Variants in SPA17 observed in about 807,000 individuals in gnomAD.
SPA17 encodes the protein sperm autoantigenic protein 17.
Under a neutral mutation model 13.8 loss-of-function variants are expected in SPA17, and 7 were observed. The observed-to-expected ratio is 0.51, with a 90% confidence interval of 0.29 to 0.95. The LOEUF (loss-of-function observed/expected upper bound fraction) is 0.95. Ranked by LOEUF, SPA17 falls within the 40% of genes least tolerant of loss-of-function variation. The pLI, the probability that SPA17 is intolerant of heterozygous loss-of-function variation, is 0.08. For synonymous variants in SPA17, 61 were observed against 59.0 expected (o/e 1.03, Z -0.16); for missense variants, 170 against 179.3 (o/e 0.95, Z 0.30).
In SPA17 at chr11:124,694,055, G is replaced by A. The variant is rs370825341; in HGVS notation, c.313-248G>A. 9.9e-5 allele frequency among the ~76,000 whole-genome samples: 15 copies of A among 152,214 alleles called. No individual in the cohort carries two copies. In the East Asian group the frequency reaches 1.3e-3, roughly 14 times the overall value. On this transcript the variant is annotated intron_variant, in intron 4 of 4. Coordinates refer to ENST00000227135, the MANE Select transcript of SPA17 (RefSeq NM_017425.4). ...AAACTTAAATAGGCACTATTTTAGG[G>A]GAAAGAAAGTTGGCAATGATCTTTT...
At chr11:124,690,535 A>G (rs1440737551) in intron 3 of SPA17, among the ~76,000 whole-genome samples, 1 of 152,234 alleles carries the variant, frequency 6.6e-6, no homozygotes, top group Non-Finnish European at 1.5e-5. Flanking sequence ...TATTTGGGTG[A>G]TGGACACCCT....
rs2134422669 is a variant in SPA17 at position 124,695,769 on chromosome 11, T to C, written c.*1323T>C. 1 of 152,422 alleles carries C rather than the reference T, an allele frequency of 6.6e-6. No homozygotes were observed. Among genetic ancestry groups the C allele is most frequent in the South Asian group, 2.1e-4 (1 of 4,832 alleles). 9.4% of individuals were successfully genotyped at this position (152,422 alleles called of 1,614,324 possible). A position where few individuals can be genotyped will look rare whatever the true frequency, so the allele number is the denominator to read the frequency against. Reference sequence around the variant, plus strand: ...TCTTGGTTTATAGTCACAAAGCCAGTGTTCCCCCAAAGCTTAAAAACAAGC... The same window carrying C: ...TCTTGGTTTATAGTCACAAAGCCAGCGTTCCCCCAAAGCTTAAAAACAAGC... On this transcript the variant is annotated 3_prime_UTR_variant, in exon 5 of 5. Transcript: ENST00000227135.
At position 124,694,391 on chromosome 11, in the gene SPA17, C is replaced by T; in HGVS notation, c.401C>T (p.Ala134Val). 6.2e-7 allele frequency: 1 copy of T among 1,613,360 alleles called. No individual in the cohort carries two copies. Residue 134 changes from alanine (A) to valine (V), a missense_variant, in exon 5 of 5, where the codon GCA (alanine) becomes GTA (valine). By Grantham distance (64) the Ala-to-Val change is moderately conservative. Coordinates refer to ENST00000227135, the MANE Select transcript of SPA17 (RefSeq NM_017425.4). ...AFRGHIAREE[A>V]KKMKTNSLQN... ...CGGGGACACATAGCCAGAGAGGAGG[C>T]AAAGAAAATGAAAACAAATAGTCTT...
Position 124,677,054 on chromosome 11 carries a change from C to T in SPA17, c.154+1636C>T, listed in dbSNP as rs575770323. On this transcript the variant is annotated intron_variant, in intron 2 of 4. Coordinates refer to ENST00000227135, the MANE Select transcript of SPA17 (RefSeq NM_017425.4). Reference sequence around the variant, plus strand: ...AAATATTCCATTATAAAAACATTTGCGTCATTGTTACTGGATCACAATAAT... The same window carrying T: ...AAATATTCCATTATAAAAACATTTGTGTCATTGTTACTGGATCACAATAAT... Among the ~76,000 whole-genome samples, 84 of 152,216 alleles carry T rather than the reference C, an allele frequency of 5.5e-4. 1 individual carries two copies. Among genetic ancestry groups the T allele is most frequent in the South Asian group, 8.3e-4 (4 of 4,820 alleles).
At chr11:124,683,915 C>T (rs1042703487) in intron 3 of SPA17, among the ~76,000 whole-genome samples, 3 of 152,120 alleles carry the variant, frequency 2.0e-5, no homozygotes, top group African/African-American at 7.2e-5. Flanking sequence ...TAGCATTAGA[C>T]AAATTATCTA....
chr11:124,682,351 G>A (rs1164418846), intron 3 of SPA17, among the ~76,000 whole-genome samples: 1 of 152,064 alleles, frequency 6.6e-6, no homozygotes, highest in Non-Finnish European at 1.5e-5. Context: ...TGACACCCCA[G>A]AATGAACACA....
At chr11:124,684,976 T>C (rs1943564555) in intron 3 of SPA17, among the ~76,000 whole-genome samples, 1 of 152,182 alleles carries the variant, frequency 6.6e-6, no homozygotes, top group South Asian at 2.1e-4. Context: ...TTTGGAAAAT[T>C]TGCAGCCTGA....
chr11:124,678,819 C>T (rs1299715449), intron 2 of SPA17, among the ~76,000 whole-genome samples: 1 of 152,132 alleles, frequency 6.6e-6, no homozygotes, highest in South Asian at 2.1e-4. Flanking sequence ...CGCCAGCCTC[C>T]GCCTCCTAAA....
chr11:124,693,503 C>A (rs1056625423), intron 4 of SPA17, among the ~76,000 whole-genome samples: 1 of 147,568 alleles, frequency 6.8e-6, no homozygotes, highest in Non-Finnish European at 1.5e-5. Context: ...TATATATATA[C>A]CCATATGAAT....
intron 2 of SPA17, among the ~76,000 whole-genome samples, chr11:124,676,878 C>G (rs1943470341): frequency 6.6e-6 from 1 of 152,036 alleles, no homozygotes; most frequent in African/African-American, 2.4e-5. Context: ...GCACGTGTAT[C>G]CCTTGAACCT....
chr11:124,676,780 C>G (rs1370539905), intron 2 of SPA17, among the ~76,000 whole-genome samples: 2 of 152,200 alleles, frequency 1.3e-5, no homozygotes, highest in Non-Finnish European at 2.9e-5. Flanking sequence ...GAAAAACTAC[C>G]TATCAGGCAT....
At position 124,696,346 on chromosome 11, in the gene SPA17, C is replaced by G. The variant is rs368048272; in HGVS notation, c.*1900C>G. On this transcript the variant is annotated 3_prime_UTR_variant, in exon 5 of 5. Coordinates refer to ENST00000227135, the MANE Select transcript of SPA17 (RefSeq NM_017425.4). ...TTATGCAAAGACTTAGATTCCCTGA[C>G]CTGGAGAGATCAGAAGAGGAAAAAA... is the stretch of plus-strand genomic sequence containing the variant. 1 of 151,728 alleles carries G rather than the reference C, an allele frequency of 6.6e-6. No individual in the cohort carries two copies. The highest frequency in any genetic ancestry group is 1.5e-5 in the Non-Finnish European group (1 of 67,990). 9.4% of individuals were successfully genotyped at this position (151,728 alleles called of 1,614,324 possible).
rs958623539 is a variant in SPA17, at chr11:124,695,932, C to A, written c.*1486C>A. 1 of 152,304 alleles carries A rather than the reference C, an allele frequency of 6.6e-6. No individual in the cohort carries two copies. The highest frequency in any genetic ancestry group is 2.4e-5 in the African/African-American group (1 of 41,476). The allele number at this position is 152,304 out of a possible 1,614,324, so 9.4% of individuals were successfully genotyped here. A position where few individuals can be genotyped will look rare whatever the true frequency, so the allele number is the denominator to read the frequency against. ...AAGCAGTTTTATTTCAGGTGCCTCA[C>A]TGCCCTTCCCTGGCACTGAGCCTTT... On this transcript the variant is annotated 3_prime_UTR_variant, in exon 5 of 5. Transcript: ENST00000227135.
At chr11:124,675,155 CAG>C in intron 1 of SPA17, 81 bp from the exon 2 acceptor site, 5 of 1,360,112 alleles carry the variant, frequency 3.7e-6, no homozygotes, top group Non-Finnish European at 5.0e-6. Context: ...GTATGAGTCT[CAG>C]AAATAATTTG....
intron 4 of SPA17, among the ~76,000 whole-genome samples, chr11:124,692,829 T>C (rs1270804342): frequency 6.6e-6 from 1 of 152,186 alleles, no homozygotes; most frequent in Non-Finnish European, 1.5e-5. Context: ...CTCTCTAAAA[T>C]GTCGAAGTTC....
At chr11:124,694,156 A>G (rs1943650899) in intron 4 of SPA17, 147 bp from the exon 5 acceptor site, 1 of 990,552 alleles carries the variant, frequency 1.0e-6, no homozygotes, top group Non-Finnish European at 1.5e-6. Flanking sequence ...TACATATACA[A>G]TGTGACAATA....
At chr11:124,678,516 C>CTG (rs60663679) in intron 2 of SPA17, among the ~76,000 whole-genome samples, 9,987 of 143,248 alleles carry the variant, frequency 0.07, 343 homozygotes, top group Admixed American at 0.091. Flanking sequence ...GAATACATAA[C>CTG]TGTGTGTGTG....
chr11:124,678,516 CTGTGTGTGTGTGTGTG>C (rs60663679), intron 2 of SPA17, among the ~76,000 whole-genome samples: 2 of 143,262 alleles, frequency 1.4e-5, no homozygotes, highest in Non-Finnish European at 3.1e-5. Flanking sequence ...GAATACATAA[CTGTGTGTGTGTGTGTG>C]TGTGTGTGTG....
chr11:124,687,120 G>A (rs1419953329), intron 3 of SPA17, among the ~76,000 whole-genome samples: 1 of 152,046 alleles, frequency 6.6e-6, no homozygotes, highest in Non-Finnish European at 1.5e-5. Context: ...TGATAGCACA[G>A]AAATACAAAT....
Sources: allele counts gnomAD v4.1 joint callset (sites outside exome capture counted in the v4.1 genomes callset), GRCh38; gene constraint gnomAD v4.1.1; transcripts MANE v1.5; gene names NCBI Gene and HGNC (gene_info 2026-07-23, HGNC 2026-07-21).